The following ARHGAP42 variants were observed in gnomAD, a reference collection of about 807,000 sequenced individuals.
ARHGAP42 encodes Rho GTPase activating protein 42.
Under a neutral mutation model 125.0 loss-of-function variants are expected in ARHGAP42, and 63 were observed. The observed-to-expected ratio is 0.50, with a 90% CI of 0.41 to 0.62. ARHGAP42 has a LOEUF of 0.62. ARHGAP42 is among the 20% of genes least tolerant of loss of function. The pLI is 0.00. For missense variants in ARHGAP42, 766 were observed against 1,024.2 expected (o/e 0.75, Z 3.44); for synonymous variants, 339 against 351.0 (o/e 0.97, Z 0.38).
In ARHGAP42 at chr11:100,965,539, A is replaced by G. The variant is rs1858068743; in HGVS notation, c.1445-132A>G. 1.1e-5 allele frequency: 8 copies of G among 757,576 alleles called. No individual in the cohort carries two copies. In the South Asian group the frequency reaches 1.3e-4, roughly 12 times the overall value. 46.9% of individuals were successfully genotyped at this position (757,576 alleles called of 1,614,324 possible). ...CTGCAAGCCATAGGGAATGATAATG[A>G]CAGTACTACATGAAGCAATGCCTAT... On this transcript the variant is annotated intron_variant, in intron 16 of 23. Transcript: ENST00000298815.
rs1444161245 is a variant in ARHGAP42, at chr11:100,992,406, C to T, written c.*3605C>T. ...GACTATTGTCCAGAAGTTACTTTCC[C>T]CTTGACTAAAGGTTTCCCCTTAGGG... On this transcript the variant is annotated 3_prime_UTR_variant, in exon 24 of 24. Coordinates refer to ENST00000298815, the MANE Select transcript of ARHGAP42 (RefSeq NM_152432.4). 3 of 1,613,958 alleles carry T rather than the reference C, an allele frequency of 1.9e-6. No homozygotes were observed. Among genetic ancestry groups the T allele is most frequent in the African/African-American group, 2.7e-5 (2 of 74,916 alleles).
intron 4 of ARHGAP42, among the ~76,000 whole-genome samples, chr11:100,860,139 G>T (rs1318372736): frequency 6.6e-6 from 1 of 151,806 alleles, no homozygotes; most frequent in Non-Finnish European, 1.5e-5. Context: ...CTCATTCTTA[G>T]AGCCATATTT....
chr11:100,791,153 G>C (rs74902936), intron 2 of ARHGAP42, among the ~76,000 whole-genome samples: 2 of 152,080 alleles, frequency 1.3e-5, no homozygotes, highest in Admixed American at 1.3e-4. Context: ...GCATTTTTGG[G>C]TCCTGTGTAC....
chr11:100,722,532 A>G (rs961506872), intron 1 of ARHGAP42, among the ~76,000 whole-genome samples: 2 of 151,962 alleles, frequency 1.3e-5, no homozygotes, highest in African/African-American at 4.8e-5. Flanking sequence ...CTGGGATTAC[A>G]GGCATGCACC....
rs1736420550 is a variant in ARHGAP42 at position 100,687,534 on chromosome 11, C to G, written c.-145C>G. The G allele has an allele frequency of 2.0e-6, 1 of 499,376 alleles. No homozygotes were observed. The highest frequency in any genetic ancestry group is 2.8e-6 in the Non-Finnish European group (1 of 356,078). 30.9% of individuals were successfully genotyped at this position (499,376 alleles called of 1,614,324 possible). On this transcript the variant is annotated 5_prime_UTR_variant, in exon 1 of 24. Transcript: ENST00000298815. ...CGCAGGCGGCGCGGCGCTCGGGGCC[C>G]GTTTCCTCCGCGCAATCAGTCCCCT...
chr11:100,910,902 C>G (rs1030315197), intron 4 of ARHGAP42, among the ~76,000 whole-genome samples: 13 of 151,824 alleles, frequency 8.6e-5, no homozygotes, highest in Non-Finnish European at 1.3e-4. Context: ...AATAAGAGTC[C>G]AGGAAGTGGT....
intron 6 of ARHGAP42, among the ~76,000 whole-genome samples, chr11:100,922,171 A>T (rs903849921): frequency 6.6e-6 from 1 of 152,220 alleles, no homozygotes; most frequent in Non-Finnish European, 1.5e-5. Context: ...CCCATTTAGC[A>T]AATGTTTAGA....
chr11:100,987,202 A>T (rs1481971353), intron 22 of ARHGAP42, among the ~76,000 whole-genome samples: 2 of 152,176 alleles, frequency 1.3e-5, no homozygotes, highest in African/African-American at 4.8e-5. Flanking sequence ...CCTATTTAGC[A>T]ACTTATTAAA....
intron 2 of ARHGAP42, among the ~76,000 whole-genome samples, chr11:100,780,949 A>T (rs1393678177): frequency 6.6e-6 from 1 of 152,174 alleles, no homozygotes; most frequent in Admixed American, 6.5e-5. Flanking sequence ...AAAATAAGTG[A>T]TGGCCCTTGT....
intron 1 of ARHGAP42, among the ~76,000 whole-genome samples, chr11:100,768,938 T>C (rs1420806739): frequency 6.6e-6 from 1 of 152,192 alleles, no homozygotes; most frequent in African/African-American, 2.4e-5. Context: ...GGCTGTTTTG[T>C]CATTGTACAA....
At chr11:100,866,979 G>T (rs1373964205) in intron 4 of ARHGAP42, among the ~76,000 whole-genome samples, 1 of 152,136 alleles carries the variant, frequency 6.6e-6, no homozygotes, top group East Asian at 1.9e-4. Context: ...AGGTAAATTG[G>T]CAATGAGTAG....
At chr11:100,740,066 A>AC (rs1862151442) in intron 1 of ARHGAP42, among the ~76,000 whole-genome samples, 2 of 143,440 alleles carry the variant, frequency 1.4e-5, no homozygotes, top group African/African-American at 5.1e-5. Flanking sequence ...TATTAGTACA[A>AC]TTTTTTTTTT....
chr11:100,710,437 A>G (rs967248617), intron 1 of ARHGAP42, among the ~76,000 whole-genome samples: 1 of 145,670 alleles, frequency 6.9e-6, no homozygotes, highest in African/African-American at 2.6e-5. Flanking sequence ...GGGTTTCACC[A>G]TGTTGGTCAG....
intron 2 of ARHGAP42, among the ~76,000 whole-genome samples, chr11:100,778,195 G>A (rs1389556394): frequency 6.6e-6 from 1 of 151,910 alleles, no homozygotes; most frequent in Middle Eastern, 3.4e-3. Flanking sequence ...AAAAAGAAAC[G>A]GTGAAGTTGT....
chr11:100,872,294 A>T (rs1397167134), intron 4 of ARHGAP42, among the ~76,000 whole-genome samples: 1 of 152,208 alleles, frequency 6.6e-6, no homozygotes, highest in African/African-American at 2.4e-5. Flanking sequence ...CAGCCCCTTA[A>T]GGAACAGCTT....
intron 5 of ARHGAP42, among the ~76,000 whole-genome samples, chr11:100,917,131 T>C (rs1867091096): frequency 6.6e-6 from 1 of 151,820 alleles, no homozygotes; most frequent in African/African-American, 2.4e-5. Context: ...AAATAATAAA[T>C]AAGCTTACAA....
chr11:100,952,165 T>A (rs1857675007), intron 12 of ARHGAP42, among the ~76,000 whole-genome samples: 1 of 152,198 alleles, frequency 6.6e-6, no homozygotes, highest in African/African-American at 2.4e-5. Flanking sequence ...CAGATCTTAT[T>A]TGTAATTGCA....
chr11:100,847,126 T>A (rs1865087817), intron 3 of ARHGAP42, among the ~76,000 whole-genome samples: 1 of 152,144 alleles, frequency 6.6e-6, no homozygotes, highest in Admixed American at 6.5e-5. Context: ...CTTAACACCC[T>A]CCCACTAACA....
At chr11:100,919,841 C>T (rs1867185870) in intron 5 of ARHGAP42, among the ~76,000 whole-genome samples, 7 of 152,210 alleles carry the variant, frequency 4.6e-5, no homozygotes, top group Admixed American at 4.6e-4. Flanking sequence ...TTTCCTGCGT[C>T]TCTTTCCAGC....
Sources: allele counts gnomAD v4.1 joint callset (sites outside exome capture counted in the v4.1 genomes callset), GRCh38; gene constraint gnomAD v4.1.1; transcripts MANE v1.5; gene names NCBI Gene and HGNC (gene_info 2026-07-23, HGNC 2026-07-21).